The following UBE2W variants were observed in gnomAD, a reference collection of about 807,000 sequenced individuals.
UBE2W encodes the protein ubiquitin-conjugating enzyme E2 W.
Under a neutral mutation model 27.2 loss-of-function variants are expected in UBE2W, and 18 were observed. The observed-to-expected ratio is 0.66, with a 90% CI of 0.46 to 0.98. UBE2W has a LOEUF of 0.98. Ranked by LOEUF, UBE2W falls within the 50% of genes least tolerant of loss-of-function variation. UBE2W has a pLI of 0.00. For missense variants in UBE2W, 90 were observed against 180.2 expected (o/e 0.50, Z 2.87); for synonymous variants, 53 against 57.2 (o/e 0.93, Z 0.33).
At position 73,840,982 on chromosome 8, in the gene UBE2W, G is replaced by A. The variant is rs549820245; in HGVS notation, c.16-10510C>T. 2.9e-4 allele frequency among the ~76,000 whole-genome samples: 44 copies of A among 152,138 alleles called. 1 individual carries two copies. Among genetic ancestry groups the A allele is most frequent in the Non-Finnish European group, 4.8e-4 (33 of 68,044 alleles). Reference sequence around the variant, plus strand: ...TAAAGGGTAGAAATCCTCATTCAGGGAAGTTAAAAGTACAAACAAGAGAAG... The same window carrying A: ...TAAAGGGTAGAAATCCTCATTCAGGAAAGTTAAAAGTACAAACAAGAGAAG... On this transcript the variant is annotated intron_variant, in intron 1 of 5. Coordinates refer to ENST00000602593, the MANE Select transcript of UBE2W (RefSeq NM_018299.6).
At chr8:73,816,035 T>C (rs935840594) in intron 3 of UBE2W, among the ~76,000 whole-genome samples, 1 of 152,234 alleles carries the variant, frequency 6.6e-6, no homozygotes, top group Non-Finnish European at 1.5e-5. Context: ...TGACTGGAGA[T>C]TGGAATCTTA....
rs1808287304 is a variant in UBE2W, at chr8:73,793,545, T to C, written c.*557A>G. On this transcript the variant is annotated 3_prime_UTR_variant, in exon 6 of 6. Coordinates refer to ENST00000602593, the MANE Select transcript of UBE2W (RefSeq NM_018299.6). ...TTCATTACAGTCCTTTAAAGACGCA[T>C]GTTAATTCATGCTGTTAACCTTAGG... 9 of 985,822 alleles carry C rather than the reference T, an allele frequency of 9.1e-6. No homozygotes were observed. The highest frequency in any genetic ancestry group is 1.7e-5 in the African/African-American group (1 of 57,254). 61.1% of individuals were successfully genotyped at this position (985,822 alleles called of 1,614,324 possible).
chr8:73,829,619 T>C (rs189638993), intron 2 of UBE2W, among the ~76,000 whole-genome samples: 2 of 152,152 alleles, frequency 1.3e-5, no homozygotes, highest in Admixed American at 1.3e-4. Context: ...ATTCGTAATA[T>C]GCTTGTTCTT....
intron 5 of UBE2W, among the ~76,000 whole-genome samples, chr8:73,801,091 AAAAAAG>A (rs1409142664): frequency 1.4e-4 from 21 of 152,218 alleles, no homozygotes; most frequent in South Asian, 6.2e-4. Flanking sequence ...ACTCCGTCAA[AAAAAAG>A]AAAAAGAAAA....
intron 2 of UBE2W, among the ~76,000 whole-genome samples, chr8:73,826,674 T>C (rs1809847918): frequency 6.6e-6 from 1 of 152,188 alleles, no homozygotes; most frequent in Admixed American, 6.5e-5. Flanking sequence ...CAATATTTTA[T>C]AGTGAAATTA....
At chr8:73,804,271 T>C (rs1808774117) in intron 5 of UBE2W, among the ~76,000 whole-genome samples, 1 of 148,510 alleles carries the variant, frequency 6.7e-6, no homozygotes, top group Admixed American at 6.6e-5. Context: ...TATTATCAGG[T>C]TAACATTAAA....
chr8:73,792,834 CTT>C lies in UBE2W; in HGVS notation c.*1266_*1267del. On this transcript the variant is annotated 3_prime_UTR_variant, in exon 6 of 6. Coordinates refer to ENST00000602593, the MANE Select transcript of UBE2W (RefSeq NM_018299.6). ...AGTTTCATCTAGCTGTAAGCAAAGTCTTTTCAACAACAACAAAACAAAACCCT... is the reference window on the plus strand; with the variant it reads ...AGTTTCATCTAGCTGTAAGCAAAGTCTTCAACAACAACAAAACAAAACCCT... The C allele has an allele frequency of 1.0e-6, 1 of 985,178 alleles. No homozygotes were observed. The highest frequency in any genetic ancestry group is 4.7e-5 in the South Asian group (1 of 21,260). The allele number at this position is 985,178 out of a possible 1,614,324, so 61.0% of individuals were successfully genotyped here. A position where few individuals can be genotyped will look rare whatever the true frequency, so the allele number is the denominator to read the frequency against.
chr8:73,794,870 GA>G (rs745852858), intron 5 of UBE2W, among the ~76,000 whole-genome samples: 1,547 of 103,494 alleles, frequency 0.015, 10 homozygotes, highest in African/African-American at 0.025. Context: ...AAAAAAAAAA[GA>G]AAAAAAAAAA....
chr8:73,841,151 A>G (rs28737316), intron 1 of UBE2W, among the ~76,000 whole-genome samples: 17,519 of 152,234 alleles, frequency 0.12, 3,241 homozygotes, highest in African/African-American at 0.39. Flanking sequence ...GAAAAAACAG[A>G]AACACCATTC....
At chr8:73,781,376 T>C (rs967633484), downstream of UBE2W, among the ~76,000 whole-genome samples, 2 of 152,106 alleles carry the variant, frequency 1.3e-5, no homozygotes, top group Non-Finnish European at 2.9e-5. Context: ...TCACTATCAT[T>C]GCTACCTAAA....
chr8:73,804,816 C>T (rs1808802455), intron 5 of UBE2W, among the ~76,000 whole-genome samples: 2 of 151,866 alleles, frequency 1.3e-5, no homozygotes, highest in South Asian at 2.1e-4. Flanking sequence ...CTTCAACCTT[C>T]GCCACCAGGG....
intron 1 of UBE2W, among the ~76,000 whole-genome samples, chr8:73,878,474 C>A (rs569355283): frequency 6.6e-6 from 1 of 152,186 alleles, no homozygotes; most frequent in African/African-American, 2.4e-5. Context: ...CTGGGGCTGG[C>A]GGGCAGCAGA....
At chr8:73,829,795 T>A (rs1809998728) in intron 2 of UBE2W, among the ~76,000 whole-genome samples, 1 of 152,222 alleles carries the variant, frequency 6.6e-6, no homozygotes, top group Admixed American at 6.5e-5. Context: ...CAAGTTGGTT[T>A]ACAATCAATT....
intron 1 of UBE2W, among the ~76,000 whole-genome samples, chr8:73,869,328 C>T (rs368256288): frequency 2.0e-5 from 3 of 152,104 alleles, no homozygotes; most frequent in East Asian, 1.9e-4. Context: ...GAGGCCGAGG[C>T]GGGCGGATCA....
chr8:73,811,625 G>A (rs181611403), intron 3 of UBE2W, among the ~76,000 whole-genome samples: 142 of 152,198 alleles, frequency 9.3e-4, no homozygotes, highest in Non-Finnish European at 1.7e-3. Context: ...AAATTCAAGT[G>A]TCCTGCTTTC....
intron 2 of UBE2W, among the ~76,000 whole-genome samples, chr8:73,826,888 TTAAATGCAATGC>T (rs1809859375): frequency 6.6e-6 from 1 of 152,184 alleles, no homozygotes; most frequent in African/African-American, 2.4e-5. Flanking sequence ...ACATGGTAAA[TTAAATGCAATGC>T]AAAAGCTGCA....
Position 73,787,467 on chromosome 8 carries a change from A to G in UBE2W, c.*6635T>C, listed in dbSNP as rs1415544014. On this transcript the variant is annotated 3_prime_UTR_variant, in exon 6 of 6. Coordinates refer to ENST00000602593, the MANE Select transcript of UBE2W (RefSeq NM_018299.6). ...CATCAAAGTACAAAAGATGGTTCATATATTTATCTAACCATCTACTAACAT... is the reference window on the plus strand; with the variant it reads ...CATCAAAGTACAAAAGATGGTTCATGTATTTATCTAACCATCTACTAACAT... The G allele has an allele frequency of 5.1e-6, 5 of 985,232 alleles. No homozygotes were observed. The highest frequency in any genetic ancestry group is 6.1e-5 in the Admixed American group (1 of 16,272). 61.0% of individuals were successfully genotyped at this position (985,232 alleles called of 1,614,324 possible).
Position 73,790,594 on chromosome 8 carries a change from A to G in UBE2W, c.*3508T>C. On this transcript the variant is annotated 3_prime_UTR_variant, in exon 6 of 6. Transcript: ENST00000602593. ...AGATCAAGAAATATAAGCAGCAGTAACCATAAAGGCTTAGAACTAGTGACA... is the reference window on the plus strand; with the variant it reads ...AGATCAAGAAATATAAGCAGCAGTAGCCATAAAGGCTTAGAACTAGTGACA... 1 of 985,148 alleles carries G rather than the reference A, an allele frequency of 1.0e-6. No individual in the cohort carries two copies. The highest frequency in any genetic ancestry group is 1.2e-6 in the Non-Finnish European group (1 of 829,638). The allele number at this position is 985,148 out of a possible 1,614,324, so 61.0% of individuals were successfully genotyped here. A position where few individuals can be genotyped will look rare whatever the true frequency, so the allele number is the denominator to read the frequency against.
intron 1 of UBE2W, among the ~76,000 whole-genome samples, chr8:73,856,897 G>A (rs1486971962): frequency 2.6e-5 from 4 of 151,700 alleles, no homozygotes; most frequent in Admixed American, 6.6e-5. Context: ...AGTAGAAAGG[G>A]GGTTTTGCTA....
Sources: gnomAD v4.1 joint callset for allele counts (sites outside exome capture counted in the v4.1 genomes callset) on GRCh38, gnomAD v4.1.1 for gene constraint, MANE v1.5 for transcripts, NCBI Gene and HGNC (gene_info 2026-07-23, HGNC 2026-07-21) for gene names.